Variants in RBPMS observed in about 807,000 individuals in gnomAD.
The protein encoded by RBPMS is RNA binding protein, mRNA processing factor, also known as RNA-binding protein with multiple splicing.
In RBPMS, 7 loss-of-function variants were observed where a neutral mutation model predicts 26.8. The ratio of observed to expected loss-of-function variants is 0.26; its 90% confidence interval spans 0.15 to 0.49. The LOEUF is 0.49. Ranked by LOEUF, RBPMS falls within the 20% of genes least tolerant of loss-of-function variation. RBPMS has a pLI of 0.98. For synonymous variants in RBPMS, 96 were observed against 93.3 expected (o/e 1.03, Z -0.17); for missense variants, 186 against 250.0 (o/e 0.74, Z 1.73).
At chr8:30,426,085 C>T (rs73241035) in intron 1 of RBPMS, among the ~76,000 whole-genome samples, 7,402 of 152,276 alleles carry the variant, frequency 0.049, 259 homozygotes, top group Non-Finnish European at 0.067. Flanking sequence ...GCTTTAAAGA[C>T]GCAGCACGGA....
At chr8:30,451,258 C>T (rs10101643) in intron 1 of RBPMS, among the ~76,000 whole-genome samples, 37,562 of 152,080 alleles carry the variant, frequency 0.25, 5,003 homozygotes, top group East Asian at 0.42. Flanking sequence ...TCCTATCTCT[C>T]CAAGCTAAAA....
At chr8:30,410,566 A>G (rs997141691) in intron 1 of RBPMS, among the ~76,000 whole-genome samples, 20 of 143,332 alleles carry the variant, frequency 1.4e-4, no homozygotes, top group Non-Finnish European at 2.5e-4. Flanking sequence ...GTGTGTGTGT[A>G]TGTGTGTGTG....
chr8:30,418,135 T>A (rs557488564), intron 1 of RBPMS, among the ~76,000 whole-genome samples: 3 of 152,342 alleles, frequency 2.0e-5, no homozygotes, highest in Admixed American at 6.5e-5. Flanking sequence ...ATGAAAGTGA[T>A]GTGCGTTTAA....
At chr8:30,548,499 AG>A (rs1826039955) in intron 6 of RBPMS, among the ~76,000 whole-genome samples, 1 of 152,216 alleles carries the variant, frequency 6.6e-6, no homozygotes, top group African/African-American at 2.4e-5. Context: ...GAGTAACAGC[AG>A]TTCTATCGGA....
At chr8:30,502,649 A>C (rs951364872) in intron 4 of RBPMS, among the ~76,000 whole-genome samples, 1 of 152,108 alleles carries the variant, frequency 6.6e-6, no homozygotes, top group Non-Finnish European at 1.5e-5. Flanking sequence ...ACACCCAGGG[A>C]CTGTGCTTGC....
intron 5 of RBPMS, among the ~76,000 whole-genome samples, chr8:30,519,222 C>T (rs1006661716): frequency 3.3e-5 from 5 of 152,106 alleles, no homozygotes; most frequent in Non-Finnish European, 7.3e-5. Context: ...CTTTCCCTCT[C>T]ATACTGGTAA....
chr8:30,478,525 G>A (rs1817935106), intron 3 of RBPMS, among the ~76,000 whole-genome samples: 1 of 149,168 alleles, frequency 6.7e-6, no homozygotes. Context: ...TTTTGAGACG[G>A]AGTCTCACTA....
Position 30,572,125 on chromosome 8 carries a change from A to G in RBPMS, c.*1600A>G, listed in dbSNP as rs1280894086. The G allele has an allele frequency of 6.6e-6, 1 of 152,210 alleles. No homozygotes were observed. Among genetic ancestry groups the G allele is most frequent in the Admixed American group, 6.5e-5 (1 of 15,288 alleles). The allele number at this position is 152,210 out of a possible 1,614,324, so 9.4% of individuals were successfully genotyped here. The stretch of plus-strand genomic sequence containing the variant: ...GGACCTGCTTATGCCCTCAGTGCCA[A>G]TCGGCTCTTGGTGAGATGACTGTAC... On this transcript the variant is annotated 3_prime_UTR_variant, in exon 9 of 9. Coordinates refer to ENST00000397323, the MANE Select transcript of RBPMS (RefSeq NM_001008710.3).
intron 1 of RBPMS, among the ~76,000 whole-genome samples, chr8:30,427,915 G>C (rs1811531940): frequency 6.6e-6 from 1 of 152,046 alleles, no homozygotes; most frequent in African/African-American, 2.4e-5. Context: ...TAGGCCAGGT[G>C]CCATGGCTTA....
intron 6 of RBPMS, 90 bp from the exon 7 acceptor site, chr8:30,558,797 G>A: frequency 2.8e-6 from 3 of 1,070,062 alleles, no homozygotes; most frequent in South Asian, 1.3e-5. Flanking sequence ...TCTTGGAACA[G>A]TAGGGAAGTG....
At chr8:30,410,219 T>A (rs1809192429) in intron 1 of RBPMS, among the ~76,000 whole-genome samples, 1 of 151,536 alleles carries the variant, frequency 6.6e-6, no homozygotes, top group South Asian at 2.1e-4. Context: ...ATTTATTATT[T>A]TTTTTGAGAC....
At chr8:30,423,919 C>A (rs1219373556) in intron 1 of RBPMS, among the ~76,000 whole-genome samples, 1 of 151,934 alleles carries the variant, frequency 6.6e-6, no homozygotes, top group Admixed American at 6.6e-5. Flanking sequence ...CTCACTGCAA[C>A]CTCTGCCTCC....
rs571707640 is a variant in RBPMS, at chr8:30,409,817, G to T, written c.66+24659G>T. ...CCAGCTAATTTTTGTAGTTTTAGTA[G>T]AGACGGGGTTTCACCACGTTGGCCA... On this transcript the variant is annotated intron_variant, in intron 1 of 8. Coordinates refer to ENST00000397323, the MANE Select transcript of RBPMS (RefSeq NM_001008710.3). Among the ~76,000 whole-genome samples the T allele has an allele frequency of 1.9e-3, 293 of 151,980 alleles. 2 individuals carry two copies. The highest frequency in any genetic ancestry group is 3.2e-3 in the Non-Finnish European group (215 of 67,978).
chr8:30,492,372 T>C (rs1819489623), intron 4 of RBPMS, among the ~76,000 whole-genome samples: 1 of 152,210 alleles, frequency 6.6e-6, no homozygotes, highest in African/African-American at 2.4e-5. Context: ...TTTTCAGTAA[T>C]TAGAAGATTA....
intron 1 of RBPMS, among the ~76,000 whole-genome samples, chr8:30,423,894 A>G (rs896337337): frequency 4.0e-5 from 6 of 151,460 alleles, no homozygotes; most frequent in African/African-American, 1.2e-4. Flanking sequence ...CTGGAGTGCC[A>G]TGGCACGATC....
chr8:30,389,459 C>T (rs1807520019), intron 1 of RBPMS, among the ~76,000 whole-genome samples: 1 of 152,140 alleles, frequency 6.6e-6, no homozygotes, highest in Admixed American at 6.5e-5. Context: ...TAAAAGTGTT[C>T]AGTGCTGGTG....
chr8:30,422,848 A>T lies in RBPMS; in HGVS notation c.66+37690A>T, dbSNP rs1810952643. 2.0e-5 allele frequency among the ~76,000 whole-genome samples: 3 copies of T among 152,338 alleles called. No homozygotes were observed. In the South Asian group the frequency reaches 6.2e-4, roughly 32 times the overall value. ...ATATCCCAAGTTTATAATTCATGGT[A>T]TTGGATGGATGTATTTTACTGACAC... is the stretch of plus-strand genomic sequence containing the variant. On this transcript the variant is annotated intron_variant, in intron 1 of 8. Transcript: ENST00000397323.
chr8:30,566,147 C>T (rs1260361644), intron 7 of RBPMS, 110 bp from the exon 8 acceptor site: 4 of 412,652 alleles, frequency 9.7e-6, no homozygotes, highest in African/African-American at 4.3e-5. Flanking sequence ...TCTCTTTCGG[C>T]GTTGCCTCTC....
chr8:30,514,166 AAAG>A (rs1822036894), intron 5 of RBPMS, among the ~76,000 whole-genome samples: 1 of 152,190 alleles, frequency 6.6e-6, no homozygotes, highest in Admixed American at 6.5e-5. Flanking sequence ...TGTTAAGAAA[AAAG>A]CCAATTTTGC....
Sources: gnomAD v4.1 joint callset for allele counts (sites outside exome capture counted in the v4.1 genomes callset) on GRCh38, gnomAD v4.1.1 for gene constraint, MANE v1.5 for transcripts, NCBI Gene and HGNC (gene_info 2026-07-23, HGNC 2026-07-21) for gene names.